Variants in WDR7 observed in about 807,000 individuals in gnomAD.
WDR7 encodes WD repeat domain 7, also known as WD repeat-containing protein 7.
Under a neutral mutation model 169.4 loss-of-function variants are expected in WDR7, and 46 were observed. The observed-to-expected ratio is 0.27, with a 90% CI of 0.21 to 0.35. WDR7 has a LOEUF of 0.35. WDR7 is among the 10% of genes least tolerant of loss of function. The pLI, the probability that WDR7 is intolerant of heterozygous loss-of-function variation, is 1.00. For missense variants in WDR7, 1,534 were observed against 1,859.3 expected, an observed-to-expected ratio of 0.83 and a Z score of 3.22; for synonymous variants, 612 against 666.8, an observed-to-expected ratio of 0.92 and a Z score of 1.27.
chr18:57,025,897 T>A (rs1180467831), intron 27 of WDR7, among the ~76,000 whole-genome samples: 2 of 152,246 alleles, frequency 1.3e-5, no homozygotes, highest in South Asian at 2.1e-4. Flanking sequence ...ATCAACCATT[T>A]GTAGATGTTG....
At chr18:56,882,551 TA>T (rs1300288887) in intron 21 of WDR7, among the ~76,000 whole-genome samples, 1 of 152,232 alleles carries the variant, frequency 6.6e-6, no homozygotes, top group African/African-American at 2.4e-5. Flanking sequence ...CATCAATTTT[TA>T]ATAAATACCT....
chr18:56,920,233 A>G (rs756224989), intron 21 of WDR7, among the ~76,000 whole-genome samples: 1 of 151,760 alleles, frequency 6.6e-6, no homozygotes, highest in East Asian at 1.9e-4. Flanking sequence ...GCTAATTCCT[A>G]CTTATTTTTA....
At chr18:56,979,632 A>G (rs114053894) in intron 26 of WDR7, among the ~76,000 whole-genome samples, 1,865 of 152,334 alleles carry the variant, frequency 0.012, 52 homozygotes, top group African/African-American at 0.043. Flanking sequence ...CTCTGTCACA[A>G]TTTGGTAGAC....
At chr18:56,879,437 A>G (rs926880971) in intron 20 of WDR7, among the ~76,000 whole-genome samples, 15 of 152,154 alleles carry the variant, frequency 9.9e-5, no homozygotes, top group African/African-American at 3.1e-4. Flanking sequence ...ATATCTATTC[A>G]GATTGTTCTT....
chr18:56,698,554 T>C (rs1231420330), intron 12 of WDR7, among the ~76,000 whole-genome samples: 2 of 149,126 alleles, frequency 1.3e-5, no homozygotes, highest in Non-Finnish European at 3.0e-5. Flanking sequence ...TGCAGTGAGC[T>C]GAGATTGCAC....
At chr18:56,940,137 G>C (rs2047014620) in intron 25 of WDR7, among the ~76,000 whole-genome samples, 1 of 152,054 alleles carries the variant, frequency 6.6e-6, no homozygotes, top group Non-Finnish European at 1.5e-5. Flanking sequence ...ATCTGTTGAA[G>C]ATAATTGTTT....
chr18:56,756,502 C>A, intron 14 of WDR7, 81 bp from the exon 15 acceptor site: 1 of 1,213,546 alleles, frequency 8.2e-7, no homozygotes, highest in Non-Finnish European at 1.1e-6. Context: ...GTTAATTCCT[C>A]TGATTATTTA....
intron 12 of WDR7, among the ~76,000 whole-genome samples, chr18:56,705,989 T>G (rs2510189): frequency 6.6e-6 from 1 of 151,928 alleles, no homozygotes; most frequent in South Asian, 2.1e-4. Context: ...CAGAGGGAGA[T>G]GCCGTCTCAA....
intron 14 of WDR7, among the ~76,000 whole-genome samples, chr18:56,749,213 A>G (rs1230523233): frequency 2.0e-5 from 3 of 152,090 alleles, no homozygotes; most frequent in Non-Finnish European, 2.9e-5. Context: ...TCCTGCCAAA[A>G]TATTATTAGG....
rs1445896650 is a variant in WDR7 at position 56,685,984 on chromosome 18, T to A, written c.549T>A (p.Thr183=). 4.4e-6 allele frequency: 7 copies of A among 1,602,154 alleles called. No individual in the cohort carries two copies. The African/African-American group carries it at 9.5e-5, about 22-fold the overall frequency. ...QEDTVVALSV[T]GILKVWIVTS... ...ACACAGTGGTAGCACTCTCGGTGAC[T>A]GGCATCCTGAAGGTCTGGATTGTTA... The change falls in exon 6 of 28, where the codon ACT becomes ACA. Residue 183 remains threonine, a synonymous_variant. Transcript: ENST00000254442.
At chr18:56,803,412 A>G (rs2044712441) in intron 19 of WDR7, among the ~76,000 whole-genome samples, 1 of 152,208 alleles carries the variant, frequency 6.6e-6, no homozygotes, top group Non-Finnish European at 1.5e-5. Context: ...ATGTGTTTAG[A>G]TATTTGAAAA....
At chr18:56,706,215 A>G (rs1332094866) in intron 12 of WDR7, among the ~76,000 whole-genome samples, 3 of 152,236 alleles carry the variant, frequency 2.0e-5, no homozygotes, top group Non-Finnish European at 2.9e-5. Context: ...ATGAAAATGG[A>G]TGATAACATC....
At chr18:56,880,941 G>C (rs1187950602) in intron 21 of WDR7, among the ~76,000 whole-genome samples, 1 of 152,160 alleles carries the variant, frequency 6.6e-6, no homozygotes, top group Non-Finnish European at 1.5e-5. Flanking sequence ...CTAATAAATT[G>C]TGTCCTCTTA....
chr18:56,692,009 A>G (rs924987972), intron 9 of WDR7, among the ~76,000 whole-genome samples, 192 bp downstream of exon 9: 2 of 152,242 alleles, frequency 1.3e-5, no homozygotes, highest in African/African-American at 4.8e-5. Flanking sequence ...TAATATGCCT[A>G]TGAAATAACA....
At chr18:56,774,643 A>AT (rs968529591) in intron 16 of WDR7, among the ~76,000 whole-genome samples, 1 of 151,972 alleles carries the variant, frequency 6.6e-6, no homozygotes, top group African/African-American at 2.4e-5. Context: ...CTTGGAAGTA[A>AT]TTTTTTCTGC....
intron 20 of WDR7, among the ~76,000 whole-genome samples, chr18:56,874,657 G>A (rs978554548): frequency 6.6e-6 from 1 of 151,958 alleles, no homozygotes; most frequent in Non-Finnish European, 1.5e-5. Flanking sequence ...AAACTTTTAC[G>A]TGAGCAATTA....
Position 57,027,330 on chromosome 18 carries a change from A to ACAGC in WDR7, c.*124_*125insAGCC, listed in dbSNP as rs2048381092. 3 of 1,216,888 alleles carry ACAGC rather than the reference A, an allele frequency of 2.5e-6. 1 individual carries two copies. Among genetic ancestry groups the ACAGC allele is most frequent in the Admixed American group, 2.4e-5 (1 of 42,492 alleles). 75.4% of individuals were successfully genotyped at this position (1,216,888 alleles called of 1,614,324 possible). A position where few individuals can be genotyped will look rare whatever the true frequency, so the allele number is the denominator to read the frequency against. ...GCCCACCCCAGTGCCATCCAGTGGC[A>ACAGC]CGGCCGGGTCTTGTCACTTGTGCAT... is the stretch of plus-strand genomic sequence containing the variant. On this transcript the variant is annotated 3_prime_UTR_variant, in exon 28 of 28. Coordinates refer to ENST00000254442, the MANE Select transcript of WDR7 (RefSeq NM_015285.3).
chr18:56,936,626 C>T (rs896229400), intron 23 of WDR7, among the ~76,000 whole-genome samples: 43 of 151,966 alleles, frequency 2.8e-4, no homozygotes, highest in African/African-American at 8.5e-4. Context: ...AATAAATTAC[C>T]TCTGAGTCTA....
chr18:56,697,861 A>C (rs1260860779), intron 12 of WDR7, among the ~76,000 whole-genome samples: 3 of 152,336 alleles, frequency 2.0e-5, no homozygotes, highest in Non-Finnish European at 2.9e-5. Context: ...ATTAGATAGA[A>C]TAAGATATAG....
Sources: gnomAD v4.1 joint callset for allele counts (sites outside exome capture counted in the v4.1 genomes callset) on GRCh38, gnomAD v4.1.1 for gene constraint, MANE v1.5 for transcripts, NCBI Gene and HGNC (gene_info 2026-07-23, HGNC 2026-07-21) for gene names.